The following CDH2 variants were observed in gnomAD, a reference collection of about 807,000 sequenced individuals.
The protein encoded by CDH2 is cadherin 2.
Under a neutral mutation model 92.0 loss-of-function variants are expected in CDH2, and 17 were observed. The ratio of observed to expected loss-of-function variants is 0.18; its 90% CI spans 0.13 to 0.28. CDH2 has a LOEUF of 0.28. Among genes scored for constraint, CDH2 ranks in the 10% least tolerant of loss-of-function variants. The probability of loss-of-function intolerance (pLI) is 1.00; values close to 1 mark genes in which losing one functional copy is unlikely to be tolerated. For synonymous variants in CDH2, 419 were observed against 415.9 expected (o/e 1.01, Z -0.09); for missense variants, 862 against 1,133.1 (o/e 0.76, Z 3.44).
intron 2 of CDH2, among the ~76,000 whole-genome samples, chr18:28,050,142 T>C (rs753998224): frequency 2.6e-5 from 4 of 152,140 alleles, no homozygotes; most frequent in Non-Finnish European, 4.4e-5. Context: ...AGAAGAGTGA[T>C]TGTCGTTTTA....
chr18:28,110,553 T>A (rs1048121422), intron 2 of CDH2, among the ~76,000 whole-genome samples: 1 of 152,138 alleles, frequency 6.6e-6, no homozygotes, highest in Non-Finnish European at 1.5e-5. Context: ...ACGACTCTGT[T>A]CTGCAAGCTA....
intron 2 of CDH2, among the ~76,000 whole-genome samples, chr18:28,098,196 G>A (rs573128705): frequency 1.1e-4 from 16 of 152,164 alleles, no homozygotes; most frequent in African/African-American, 3.9e-4. Flanking sequence ...TTGCTACACA[G>A]ATATGACAAT....
At chr18:28,176,915 G>GGC in intron 1 of CDH2, 48 bp downstream of exon 1, 64 of 1,097,986 alleles carry the variant, frequency 5.8e-5, no homozygotes, top group Non-Finnish European at 6.6e-5. Context: ...ACCCGGCGCC[G>GGC]CCCGCCCCAC....
At chr18:28,069,775 G>A (rs942770062) in intron 2 of CDH2, among the ~76,000 whole-genome samples, 1 of 152,012 alleles carries the variant, frequency 6.6e-6, no homozygotes, top group Non-Finnish European at 1.5e-5. Flanking sequence ...CCACCATAAT[G>A]ACCCTGAGCT....
intron 2 of CDH2, among the ~76,000 whole-genome samples, chr18:28,083,181 C>A (rs2014863306): frequency 1.3e-5 from 2 of 152,086 alleles, no homozygotes; most frequent in African/African-American, 4.8e-5. Context: ...TAATACCCCC[C>A]AAGAAACTCA....
intron 2 of CDH2, among the ~76,000 whole-genome samples, chr18:28,023,961 A>G (rs1211293753): frequency 6.6e-6 from 1 of 152,158 alleles, no homozygotes; most frequent in Non-Finnish European, 1.5e-5. Context: ...AAGAAATTCC[A>G]TATAACAGGG....
At position 27,963,467 on chromosome 18, in the gene CDH2, T is replaced by G; in HGVS notation, c.2404A>C (p.Lys802Gln). ...QPDTVEPDAIKPVGIRRMDER... is the reference protein window; with the variant it reads ...QPDTVEPDAIQPVGIRRMDER... ...TCCATTCGTCGGATTCCCACAGGCT[T>G]GATGGCATCAGGCTCCACAGTGTCA... The change falls in exon 15 of 16, where the codon AAG becomes CAG. Residue 802 changes from lysine to glutamine, a missense_variant. Lys to Gln is a moderately conservative substitution (Grantham distance 53). Coordinates refer to ENST00000269141, the MANE Select transcript of CDH2 (RefSeq NM_001792.5). The G allele has an allele frequency of 6.2e-7, 1 of 1,614,064 alleles. No homozygotes were observed. The highest frequency in any genetic ancestry group is 8.5e-7 in the Non-Finnish European group (1 of 1,180,004).
intron 15 of CDH2, among the ~76,000 whole-genome samples, chr18:27,957,650 C>CTA (rs1249413417): frequency 6.6e-6 from 1 of 152,132 alleles, no homozygotes; most frequent in Non-Finnish European, 1.5e-5. Flanking sequence ...AACACACTGC[C>CTA]TGACATTCAA....
chr18:27,975,788 G>A (rs895995122), intron 14 of CDH2, among the ~76,000 whole-genome samples: 2 of 152,156 alleles, frequency 1.3e-5, no homozygotes, highest in Admixed American at 6.5e-5. Context: ...AGAAGAATGA[G>A]GTCATGTGGA....
At chr18:28,099,177 T>C (rs2015187670) in intron 2 of CDH2, among the ~76,000 whole-genome samples, 1 of 152,190 alleles carries the variant, frequency 6.6e-6, no homozygotes, top group Non-Finnish European at 1.5e-5. Flanking sequence ...TTTTGAATTA[T>C]AGGAAGAAAA....
At chr18:28,054,993 CAG>C (rs1338011042) in intron 2 of CDH2, among the ~76,000 whole-genome samples, 1 of 152,090 alleles carries the variant, frequency 6.6e-6, no homozygotes, top group Non-Finnish European at 1.5e-5. Context: ...ACTGAGAAGA[CAG>C]AGAGAGCTAA....
At chr18:28,154,068 T>G (rs2016169182) in intron 1 of CDH2, among the ~76,000 whole-genome samples, 1 of 152,200 alleles carries the variant, frequency 6.6e-6, no homozygotes, top group Non-Finnish European at 1.5e-5. Context: ...TATCTTTACC[T>G]CTGGAAACCT....
At chr18:28,014,471 T>C (rs1197331473) in intron 2 of CDH2, among the ~76,000 whole-genome samples, 3 of 152,182 alleles carry the variant, frequency 2.0e-5, no homozygotes, top group East Asian at 1.9e-4. Flanking sequence ...AAGAAAGCAA[T>C]GCATTTATTA....
At chr18:28,081,411 C>T (rs1399041477) in intron 2 of CDH2, among the ~76,000 whole-genome samples, 2 of 152,046 alleles carry the variant, frequency 1.3e-5, no homozygotes, top group East Asian at 3.9e-4. Flanking sequence ...TTTAAAAAAA[C>T]AGACTGATAG....
intron 2 of CDH2, among the ~76,000 whole-genome samples, chr18:28,081,027 T>G (rs2014818740): frequency 6.6e-6 from 1 of 152,140 alleles, no homozygotes; most frequent in Admixed American, 6.5e-5. Flanking sequence ...AGTAAATGAT[T>G]AAACTCTCGG....
intron 2 of CDH2, among the ~76,000 whole-genome samples, chr18:28,116,336 C>T (rs1267054162): frequency 6.6e-6 from 1 of 152,112 alleles, no homozygotes; most frequent in Non-Finnish European, 1.5e-5. Context: ...GCTTTGAAGC[C>T]CAAGCATCTG....
chr18:28,109,495 G>A (rs988092570), intron 2 of CDH2, among the ~76,000 whole-genome samples: 13 of 152,090 alleles, frequency 8.5e-5, no homozygotes, highest in African/African-American at 3.1e-4. Flanking sequence ...TGAATTCTTT[G>A]GCCACACCTC....
At chr18:27,952,545 T>G (rs17467913) in intron 15 of CDH2, among the ~76,000 whole-genome samples, 186 bp from the exon 16 acceptor site, 1 of 152,238 alleles carries the variant, frequency 6.6e-6, no homozygotes, top group Non-Finnish European at 1.5e-5. Context: ...AAAAATTAAC[T>G]TATATCTTTC....
intron 1 of CDH2, among the ~76,000 whole-genome samples, chr18:28,174,445 C>A (rs2016507837): frequency 6.6e-6 from 1 of 152,126 alleles, no homozygotes; most frequent in African/African-American, 2.4e-5. Flanking sequence ...TGCTTCCACT[C>A]CTAATGACCT....
Sources: allele counts gnomAD v4.1 joint callset (sites outside exome capture counted in the v4.1 genomes callset), GRCh38; gene constraint gnomAD v4.1.1; transcripts MANE v1.5; gene names NCBI Gene and HGNC (gene_info 2026-07-23, HGNC 2026-07-21).